The following EQTN variants were observed in gnomAD, a reference collection of about 807,000 sequenced individuals.
EQTN encodes the protein equatorin, also known as Acrosome formation associated factor.
Under a neutral mutation model 26.9 loss-of-function variants are expected in EQTN, and 29 were observed. The observed-to-expected ratio is 1.08, with a 90% CI of 0.80 to 1.47. EQTN has a LOEUF of 1.47. Ranked by LOEUF, EQTN falls within the 40% of genes most tolerant of loss-of-function variation. The pLI, the probability that EQTN is intolerant of heterozygous loss-of-function variation, is 0.00. For missense variants in EQTN, 391 were observed against 346.1 expected, an observed-to-expected ratio of 1.13 and a Z score of -1.03; for synonymous variants, 129 against 120.0, an observed-to-expected ratio of 1.07 and a Z score of -0.49.
At chr9:27,291,622 T>G (rs146439352) in intron 4 of EQTN, among the ~76,000 whole-genome samples, 75 of 152,280 alleles carry the variant, frequency 4.9e-4, no homozygotes, top group African/African-American at 1.8e-3. Context: ...GTTAAGGAGT[T>G]AAAACTTGAC....
At chr9:27,290,887 T>C in intron 5 of EQTN, 132 bp downstream of exon 5, 1 of 594,340 alleles carries the variant, frequency 1.7e-6, no homozygotes. Flanking sequence ...TGTTTTGAAG[T>C]TTGCTATTAC....
chr9:27,285,078 G>A, intron 7 of EQTN, 106 bp from the exon 8 acceptor site: 1 of 750,268 alleles, frequency 1.3e-6, no homozygotes, highest in Non-Finnish European at 2.0e-6. Context: ...TTTGCCCAAA[G>A]TGTTAGTTAC....
In EQTN at chr9:27,292,425, C is replaced by T. The variant is rs759548451; in HGVS notation, c.352G>A (p.Glu118Lys). 9 of 1,606,164 alleles carry T rather than the reference C, an allele frequency of 5.6e-6. No homozygotes were observed. Among genetic ancestry groups the T allele is most frequent in the South Asian group, 5.5e-5 (5 of 90,174 alleles). ...CTTTGAATATTTTTATGAGAGGGTT[C>T]GCTAGTAGTTGTTTCTTCTTCAATG... Reference protein sequence around the residue: ...STIEEETTTSEPSHKNIQRST... With the variant: ...STIEEETTTSKPSHKNIQRST... Residue 118 changes from glutamate (E) to lysine (K), a missense_variant, in exon 4 of 8, where the codon GAA (glutamate) becomes AAA (lysine). By Grantham distance (56) the Glu-to-Lys change is moderately conservative. Transcript: ENST00000380032.
intron 3 of EQTN, among the ~76,000 whole-genome samples, chr9:27,293,770 G>C (rs981490729): frequency 6.6e-6 from 1 of 152,142 alleles, no homozygotes; most frequent in Non-Finnish European, 1.5e-5. Context: ...TAAGCCCTTG[G>C]AATGTTACTG....
At chr9:27,288,229 T>G (rs185751302) in intron 6 of EQTN, among the ~76,000 whole-genome samples, 1,984 of 152,304 alleles carry the variant, frequency 0.013, 15 homozygotes, top group Middle Eastern at 0.024. Context: ...AGGTTTTTTT[T>G]GGGGAAATTA....
chr9:27,292,495 A>C lies in EQTN; in HGVS notation c.290-8T>G, dbSNP rs772384401. Reference sequence around the variant, plus strand: ...TTGCATTGACAGTTTTATCTAGGAAAAGGGAAAAAGAATTATCAGCATGTA... The same window carrying C: ...TTGCATTGACAGTTTTATCTAGGAACAGGGAAAAAGAATTATCAGCATGTA... On this transcript the variant is annotated splice_region_variant and splice_polypyrimidine_tract_variant and intron_variant, in intron 3 of 7. Coordinates refer to ENST00000380032, the MANE Select transcript of EQTN (RefSeq NM_020641.3). 6.4e-7 allele frequency: 1 copy of C among 1,558,674 alleles called. No individual in the cohort carries two copies. The highest frequency in any genetic ancestry group is 1.4e-5 in the African/African-American group (1 of 73,100).
rs756811038 is a variant in EQTN at position 27,284,899 on chromosome 9, C to T, written c.709G>A (p.Gly237Ser). 1.4e-5 allele frequency: 22 copies of T among 1,613,928 alleles called. No homozygotes were observed. The highest frequency in any genetic ancestry group is 1.9e-5 in the Non-Finnish European group (22 of 1,179,964). ...ATMSYFHPSE[G>S]VSDTSFSKSA... ...TTGGAAAAGGATGTATCTGAAACAC[C>T]TTCTGATGGATGAAAGTAAGACATC... The change falls in exon 8 of 8, where the codon GGT (glycine) becomes AGT (serine). Residue 237 changes from glycine to serine, a missense_variant. By Grantham distance (56) the Gly-to-Ser change is moderately conservative (BLOSUM62 0). Coordinates refer to ENST00000380032, the MANE Select transcript of EQTN (RefSeq NM_020641.3).
chr9:27,286,692 T>C (rs1346203863), intron 6 of EQTN, among the ~76,000 whole-genome samples: 1 of 152,218 alleles, frequency 6.6e-6, no homozygotes, highest in Non-Finnish European at 1.5e-5. Context: ...AAAATGCATA[T>C]ATAGCAGACT....
intron 6 of EQTN, among the ~76,000 whole-genome samples, chr9:27,287,462 A>G (rs2131304344): frequency 6.6e-6 from 1 of 152,286 alleles, no homozygotes; most frequent in South Asian, 2.1e-4. Context: ...TATCTAGGTG[A>G]TGGTCAGAAC....
At chr9:27,292,527 C>T (rs751154927) in intron 3 of EQTN, 40 bp from the exon 4 acceptor site, 3 of 1,213,704 alleles carry the variant, frequency 2.5e-6, no homozygotes, top group South Asian at 1.3e-5. Flanking sequence ...TGTAAAAATA[C>T]TGACGAAACA....
intron 3 of EQTN, among the ~76,000 whole-genome samples, chr9:27,293,951 A>G (rs1377853164): frequency 6.6e-6 from 1 of 152,240 alleles, no homozygotes; most frequent in Non-Finnish European, 1.5e-5. Flanking sequence ...CAGAAAGGCA[A>G]AAAAACGTGG....
intron 2 of EQTN, among the ~76,000 whole-genome samples, chr9:27,294,994 G>A (rs777118870): frequency 9.9e-5 from 15 of 152,164 alleles, no homozygotes; most frequent in Non-Finnish European, 2.1e-4. Context: ...ACATGCACAT[G>A]TGTCTCCTCT....
chr9:27,292,560 T>C, intron 3 of EQTN, 73 bp from the exon 4 acceptor site: 1 of 857,048 alleles, frequency 1.2e-6, no homozygotes, highest in African/African-American at 1.7e-5. Context: ...TATTTTTTAA[T>C]ATCTATTAAA....
At chr9:27,289,307 C>T (rs1820181490) in intron 6 of EQTN, among the ~76,000 whole-genome samples, 2 of 152,182 alleles carry the variant, frequency 1.3e-5, no homozygotes, top group South Asian at 4.1e-4. Context: ...AACTATAACT[C>T]TCCTGAACAG....
At chr9:27,295,101 C>G (rs996599362) in intron 2 of EQTN, among the ~76,000 whole-genome samples, 3 of 152,074 alleles carry the variant, frequency 2.0e-5, no homozygotes, top group African/African-American at 7.2e-5. Context: ...TTTGTGAGAA[C>G]AAAGAAATTC....
chr9:27,295,519 G>A (rs542294488), intron 2 of EQTN, among the ~76,000 whole-genome samples: 89 of 152,182 alleles, frequency 5.8e-4, no homozygotes, highest in African/African-American at 2.1e-3. Flanking sequence ...AAAAATAATT[G>A]GATTTAAAGC....
chr9:27,289,935 T>G (rs1433704822), intron 5 of EQTN, among the ~76,000 whole-genome samples: 1 of 152,252 alleles, frequency 6.6e-6, no homozygotes, highest in Non-Finnish European at 1.5e-5. Flanking sequence ...CAGGGTTAGA[T>G]TCCTGCAAGT....
intron 6 of EQTN, 119 bp from the exon 7 acceptor site, chr9:27,286,481 C>T (rs1010727467): frequency 1.9e-5 from 18 of 954,502 alleles, no homozygotes; most frequent in Middle Eastern, 3.3e-4. Flanking sequence ...ATTAACTGGC[C>T]GGTCTCCCAT....
intron 3 of EQTN, 98 bp from the exon 4 acceptor site, chr9:27,292,585 C>G (rs1820259849): frequency 3.2e-6 from 2 of 620,978 alleles, no homozygotes; most frequent in East Asian, 5.9e-5. Flanking sequence ...TATTATGGAA[C>G]AAAGAAAAGG....
Sources: gnomAD v4.1 joint callset for allele counts (sites outside exome capture counted in the v4.1 genomes callset) on GRCh38, gnomAD v4.1.1 for gene constraint, MANE v1.5 for transcripts, NCBI Gene and HGNC (gene_info 2026-07-23, HGNC 2026-07-21) for gene names.